Variants in DGKD observed in about 807,000 individuals in gnomAD.
DGKD encodes DAG kinase delta.
In DGKD, 68 loss-of-function variants were observed where a neutral mutation model predicts 154.4. The observed-to-expected ratio is 0.44, with a 90% CI of 0.36 to 0.54. The LOEUF is 0.54. Ranked by LOEUF, DGKD falls within the 20% of genes least tolerant of loss-of-function variation. DGKD has a pLI of 0.00. For missense variants in DGKD, 1,343 were observed against 1,593.6 expected, an observed-to-expected ratio of 0.84 and a Z score of 2.68; for synonymous variants, 693 against 638.0, an observed-to-expected ratio of 1.09 and a Z score of -1.30.
rs769636045 is a variant in DGKD at position 233,388,250 on chromosome 2, C to T, written c.157-7C>T. The T allele has an allele frequency of 1.9e-6, 3 of 1,610,618 alleles. No individual in the cohort carries two copies. The highest frequency in any genetic ancestry group is 2.2e-5 in the East Asian group (1 of 44,850). On this transcript the variant is annotated splice_polypyrimidine_tract_variant and splice_region_variant and intron_variant, in intron 1 of 29. Coordinates refer to ENST00000264057, the MANE Select transcript of DGKD (RefSeq NM_152879.3). ...GCAAGTTTATGAATATGTTTCTGTA[C>T]TTTCAGACCATCATCAAAGAGGGGA... is the stretch of plus-strand genomic sequence containing the variant.
At position 233,445,517 on chromosome 2, in the gene DGKD, C is replaced by T. The variant is rs2063036359; in HGVS notation, c.1195-106C>T. 10 of 1,450,378 alleles carry T rather than the reference C, an allele frequency of 6.9e-6. No homozygotes were observed. The highest frequency in any genetic ancestry group is 9.2e-6 in the Non-Finnish European group (10 of 1,090,294). 89.8% of individuals were successfully genotyped at this position (1,450,378 alleles called of 1,614,324 possible). ...TGCGTGGTTTTAGGTCACGTCCCCA[C>T]ATTGCTAACGTAACCCTCACGGTGG... On this transcript the variant is annotated intron_variant, in intron 10 of 29. Transcript: ENST00000264057. This position sits in a 1 kb window ranked among gnomAD's most constrained non-coding sequence, Gnocchi z 5.5.
intron 1 of DGKD, among the ~76,000 whole-genome samples, chr2:233,377,074 G>C (rs1413439421): frequency 7.2e-6 from 1 of 138,120 alleles, no homozygotes; most frequent in Non-Finnish European, 1.5e-5. Context: ...AGCGTAGCAT[G>C]TTCCTTTTTT....
intron 3 of DGKD, among the ~76,000 whole-genome samples, chr2:233,400,536 GCCTCT>G (rs1448052649): frequency 6.6e-6 from 1 of 152,202 alleles, no homozygotes; most frequent in Non-Finnish European, 1.5e-5. Flanking sequence ...CTTCCTAACT[GCCTCT>G]CCTCTCACGG....
intron 11 of DGKD, among the ~76,000 whole-genome samples, chr2:233,446,495 A>T (rs1420761048): frequency 6.6e-6 from 1 of 152,152 alleles, no homozygotes; most frequent in Non-Finnish European, 1.5e-5. Flanking sequence ...TTTATGGGAG[A>T]CCTTCCTCTC....
intron 1 of DGKD, among the ~76,000 whole-genome samples, chr2:233,365,436 G>A (rs1444317917): frequency 6.6e-6 from 1 of 151,972 alleles, no homozygotes; most frequent in East Asian, 1.9e-4. Context: ...ATGGAGGGGG[G>A]GTCTCACCGT....
chr2:233,457,514 A>T lies in DGKD; in HGVS notation c.2580+186A>T. ...CATCGTCTAGAGGGCTGAGCAGAGCAGTTGTGTCAGTGAAGGTGGTCAGTG... is the reference window on the plus strand; with the variant it reads ...CATCGTCTAGAGGGCTGAGCAGAGCTGTTGTGTCAGTGAAGGTGGTCAGTG... On this transcript the variant is annotated intron_variant, in intron 21 of 29. Transcript: ENST00000264057. The surrounding 1 kb of genome is among the most constrained non-coding windows in gnomAD (Gnocchi z 5.5). 1 of 681,068 alleles carries T rather than the reference A, an allele frequency of 1.5e-6. No homozygotes were observed. The highest frequency in any genetic ancestry group is 1.5e-5 in the South Asian group (1 of 66,710). 42.2% of individuals were successfully genotyped at this position (681,068 alleles called of 1,614,324 possible).
chr2:233,464,075 G>A, intron 26 of DGKD, 89 bp from the exon 27 acceptor site: 3 of 1,564,380 alleles, frequency 1.9e-6, no homozygotes, highest in Non-Finnish European at 2.6e-6. Context: ...GCAGAGCAGA[G>A]CCCTGGAGCG....
intron 7 of DGKD, among the ~76,000 whole-genome samples, chr2:233,436,656 A>C (rs2062707513): frequency 6.6e-6 from 1 of 152,252 alleles, no homozygotes; most frequent in Non-Finnish European, 1.5e-5. Flanking sequence ...GTCTTTAGAC[A>C]TATGCAGATG....
intron 3 of DGKD, among the ~76,000 whole-genome samples, chr2:233,412,675 CTT>C (rs1232434884): frequency 6.6e-6 from 1 of 152,198 alleles, no homozygotes; most frequent in Non-Finnish European, 1.5e-5. Context: ...CTTTTCCAGT[CTT>C]AACATGAAAC....
At chr2:233,439,070 C>A (rs1395676720) in intron 9 of DGKD, among the ~76,000 whole-genome samples, 1 of 152,264 alleles carries the variant, frequency 6.6e-6, no homozygotes, top group African/African-American at 2.4e-5. Context: ...TAGTTTTTTA[C>A]TTTTCATAAG....
chr2:233,384,567 C>G (rs1015626678), intron 1 of DGKD, among the ~76,000 whole-genome samples: 1 of 152,040 alleles, frequency 6.6e-6, no homozygotes, highest in Admixed American at 6.5e-5. Context: ...CCACATCCCC[C>G]CACTGAGCCA....
chr2:233,466,996 G>A, intron 27 of DGKD, 90 bp from the exon 28 acceptor site: 2 of 1,031,444 alleles, frequency 1.9e-6, no homozygotes, highest in Non-Finnish European at 3.1e-6. Flanking sequence ...TCTCAGCCCT[G>A]CCTGCCCTCC....
At chr2:233,448,020 C>A in intron 12 of DGKD, 67 bp from the exon 13 acceptor site, 1 of 1,603,008 alleles carries the variant, frequency 6.2e-7, no homozygotes, top group South Asian at 1.1e-5. Context: ...CTGACAGAGT[C>A]ACTGGGACTG....
rs1358692349 is a variant in DGKD, at chr2:233,441,015, C to T, written c.1086-872C>T. On this transcript the variant is annotated intron_variant, in intron 9 of 29. Coordinates refer to ENST00000264057, the MANE Select transcript of DGKD (RefSeq NM_152879.3). The surrounding 1 kb of genome is among the most constrained non-coding windows in gnomAD (Gnocchi z 5.6). ...ACCATTCTCCGAGTAGGGATGTGTC[C>T]TGTTGGATGTGCCCTGGGATACCAG... 6.6e-6 allele frequency among the ~76,000 whole-genome samples: 1 copy of T among 152,138 alleles called. No individual in the cohort carries two copies. Among genetic ancestry groups the T allele is most frequent in the Non-Finnish European group, 1.5e-5 (1 of 68,022 alleles).
chr2:233,435,787 C>T, intron 5 of DGKD, 31 bp from the exon 6 acceptor site: 9 of 1,599,846 alleles, frequency 5.6e-6, no homozygotes, highest in South Asian at 1.1e-5. Context: ...ACAGACACAG[C>T]TTGTAGGCTC....
At chr2:233,462,327 C>A in intron 24 of DGKD, 21 bp from the exon 25 acceptor site, 1 of 1,579,346 alleles carries the variant, frequency 6.3e-7, no homozygotes, top group Non-Finnish European at 8.7e-7. Flanking sequence ...GACATCTGCC[C>A]GTGCTTCTCT....
intron 3 of DGKD, among the ~76,000 whole-genome samples, chr2:233,398,291 G>A (rs564759799): frequency 2.3e-4 from 35 of 151,524 alleles, no homozygotes; most frequent in East Asian, 1.4e-3. Context: ...TACAGGTGCC[G>A]CCACCACGCC....
At chr2:233,419,436 G>C in intron 3 of DGKD, 3 of 985,668 alleles carry the variant, frequency 3.0e-6, no homozygotes, top group Non-Finnish European at 3.6e-6. Context: ...GAGCCCCAGG[G>C]GACAGTGTGC....
At position 233,438,100 on chromosome 2, in the gene DGKD, G is replaced by C. The variant is rs2062757788; in HGVS notation, c.923-117G>C. 1 of 1,141,094 alleles carries C rather than the reference G, an allele frequency of 8.8e-7. No homozygotes were observed. 70.7% of individuals were successfully genotyped at this position (1,141,094 alleles called of 1,614,324 possible). ...TCACTGACCTCCTCCTGACTTACAGGTGTGCATGTGTCAGGTGTGTGTCCT... is the reference window on the plus strand; with the variant it reads ...TCACTGACCTCCTCCTGACTTACAGCTGTGCATGTGTCAGGTGTGTGTCCT... On this transcript the variant is annotated intron_variant, in intron 8 of 29. Coordinates refer to ENST00000264057, the MANE Select transcript of DGKD (RefSeq NM_152879.3). This position sits in a 1 kb window ranked among gnomAD's most constrained non-coding sequence, Gnocchi z 4.1.
Sources: gnomAD v4.1 joint callset for allele counts (sites outside exome capture counted in the v4.1 genomes callset) on GRCh38, gnomAD v4.1.1 for gene constraint, Gnocchi (gnomAD v3.1) non-coding constraint, MANE v1.5 for transcripts, NCBI Gene and HGNC (gene_info 2026-07-23, HGNC 2026-07-21) for gene names.